The following TSPAN11 variants were observed in gnomAD, a reference collection of about 807,000 sequenced individuals.
TSPAN11 encodes tetraspanin-11.
Under a neutral mutation model 32.9 loss-of-function variants are expected in TSPAN11, and 29 were observed. The observed-to-expected ratio is 0.88, with a 90% CI of 0.66 to 1.20. The LOEUF is 1.20. Ranked by LOEUF, TSPAN11 falls within the 50% of genes most tolerant of loss-of-function variation. TSPAN11 has a pLI of 0.00. For missense variants in TSPAN11, 283 were observed against 329.1 expected, an observed-to-expected ratio of 0.86 and a Z score of 1.08; for synonymous variants, 140 against 141.3, an observed-to-expected ratio of 0.99 and a Z score of 0.07.
chr12:31,000,092 C>T (rs192273133), downstream of TSPAN11, among the ~76,000 whole-genome samples: 1 of 152,328 alleles, frequency 6.6e-6, no homozygotes, highest in African/African-American at 2.4e-5. Flanking sequence ...ATGGCTAAAT[C>T]CATAGCCTCT....
intron 3 of TSPAN11, 56 bp downstream of exon 3, chr12:30,964,073 G>T: frequency 1.3e-6 from 2 of 1,567,256 alleles, no homozygotes; most frequent in Non-Finnish European, 8.6e-7. Context: ...ACCCAGTCAG[G>T]TTTCCAGCAA....
chr12:30,981,265 C>G (rs555316188), intron 5 of TSPAN11, among the ~76,000 whole-genome samples: 9 of 152,196 alleles, frequency 5.9e-5, no homozygotes, highest in Non-Finnish European at 1.3e-4. Flanking sequence ...GGCCAGCACC[C>G]GGCCCTCCAG....
chr12:30,975,064 C>T lies in TSPAN11; in HGVS notation c.277-3497C>T, dbSNP rs774714084. 2.6e-5 allele frequency among the ~76,000 whole-genome samples: 4 copies of T among 152,216 alleles called. No individual in the cohort carries two copies. The highest frequency in any genetic ancestry group is 4.4e-5 in the Non-Finnish European group (3 of 68,038). ...GCAGGGCAAAGGCCCAAAGGCTGGA[C>T]GCTTGGCCTGTGTGAAGAGAACTGT... On this transcript the variant is annotated intron_variant, in intron 3 of 7. Transcript: ENST00000546076. This position sits in a 1 kb window ranked among gnomAD's most constrained non-coding sequence, Gnocchi z 4.5.
the TSPAN11 span, among the ~76,000 whole-genome samples, chr12:31,004,381 T>A: frequency 1.3e-5 from 2 of 152,086 alleles, no homozygotes; most frequent in Non-Finnish European, 2.9e-5. Context: ...TTTCTTCTCT[T>A]TGAGATCACA....
rs138500331 is a variant in TSPAN11, at chr12:30,949,233, T to G, written c.-11-4748T>G. On this transcript the variant is annotated intron_variant, in intron 1 of 7. Transcript: ENST00000546076. ...GAGCTCTCCAAACTGTTCCAACCTC[T>G]GCCTGTTACCCAGTTCCAAAGTTGC... is the stretch of plus-strand genomic sequence containing the variant. Among the ~76,000 whole-genome samples, 11 of 152,366 alleles carry G rather than the reference T, an allele frequency of 7.2e-5. No individual in the cohort carries two copies. The East Asian group carries it at 2.1e-3, about 29-fold the overall frequency.
At chr12:30,976,144 G>A (rs1229110015) in intron 3 of TSPAN11, among the ~76,000 whole-genome samples, 1 of 152,124 alleles carries the variant, frequency 6.6e-6, no homozygotes, top group Non-Finnish European at 1.5e-5. Context: ...CTCCCAGGGG[G>A]ATCACACTCT....
At chr12:30,991,807 TC>T in intron 7 of TSPAN11, 48 bp from the exon 8 acceptor site, 1 of 1,608,828 alleles carries the variant, frequency 6.2e-7, no homozygotes, top group Non-Finnish European at 8.5e-7. Context: ...GCCGGCAGCT[TC>T]CAGGAGTTCT....
Position 30,937,213 on chromosome 12 carries a change from G to T in TSPAN11, c.-12+10417G>T, listed in dbSNP as rs542839902. ...GAGGTCAGACAGTGGTGGGGTGCAG[G>T]ATGAATGGATGAAGAAGTGAAGCTT... On this transcript the variant is annotated intron_variant, in intron 1 of 7. Transcript: ENST00000546076. 2.0e-5 allele frequency among the ~76,000 whole-genome samples: 3 copies of T among 152,324 alleles called. No homozygotes were observed. In the South Asian group the frequency reaches 6.2e-4, roughly 32 times the overall value.
At chr12:30,979,771 C>G in intron 5 of TSPAN11, 101 bp downstream of exon 5, 1 of 1,129,148 alleles carries the variant, frequency 8.9e-7, no homozygotes, top group Non-Finnish European at 1.3e-6. Context: ...TACTTACCCT[C>G]TCTGAGCTTC....
intron 2 of TSPAN11, chr12:30,954,772 A>G (rs1336607616): frequency 1.3e-5 from 2 of 152,268 alleles, no homozygotes; most frequent in African/African-American, 4.8e-5. Context: ...TCTGCTGACT[A>G]CTAATGGTGG....
chr12:30,970,641 C>T (rs12581911), intron 3 of TSPAN11, among the ~76,000 whole-genome samples: 7,895 of 152,216 alleles, frequency 0.052, 626 homozygotes, highest in East Asian at 0.37. Context: ...CAGACATTGG[C>T]CAGAGCACAT....
chr12:31,006,472 C>T, the TSPAN11 span, among the ~76,000 whole-genome samples: 5 of 152,362 alleles, frequency 3.3e-5, no homozygotes, highest in Admixed American at 2.0e-4. Context: ...CTCCCATCCT[C>T]GCATTTGCTT....
chr12:30,977,593 C>G (rs568993681), intron 3 of TSPAN11, among the ~76,000 whole-genome samples: 43 of 152,304 alleles, frequency 2.8e-4, no homozygotes, highest in South Asian at 1.2e-3. Context: ...AGCTCCGTGG[C>G]TGCCTGTAGC....
At chr12:30,972,107 CT>C (rs1938863903) in intron 3 of TSPAN11, among the ~76,000 whole-genome samples, 1 of 152,182 alleles carries the variant, frequency 6.6e-6, no homozygotes, top group African/African-American at 2.4e-5. Context: ...CAGGAGCTTT[CT>C]TTGGAATTCT....
chr12:30,926,990 CGGGGCATGTGAGCAGGTATTGGT>C (rs1309779246), intron 1 of TSPAN11, 194 bp downstream of exon 1: 3 of 1,282,442 alleles, frequency 2.3e-6, no homozygotes, highest in Non-Finnish European at 3.0e-6. Context: ...GGGACACTCG[CGGGGCATGTGAGCAGGTATTGGT>C]GTCTGCATGG....
intron 3 of TSPAN11, among the ~76,000 whole-genome samples, chr12:30,972,984 ACT>A (rs1336303743): frequency 6.6e-6 from 1 of 151,526 alleles, no homozygotes; most frequent in Non-Finnish European, 1.5e-5. Context: ...CTCTCCTGAC[ACT>A]CTGTCCTTTG....
At chr12:30,998,754 C>A (rs1939449360), downstream of TSPAN11, among the ~76,000 whole-genome samples, 2 of 152,310 alleles carry the variant, frequency 1.3e-5, no homozygotes, top group Middle Eastern at 3.4e-3. Context: ...CATTAATGTT[C>A]CCGTGATGGG....
intron 7 of TSPAN11, among the ~76,000 whole-genome samples, chr12:30,989,662 A>G (rs1280259538): frequency 6.6e-6 from 1 of 152,142 alleles, no homozygotes; most frequent in Non-Finnish European, 1.5e-5. Context: ...AGCTTGCAAG[A>G]TGGTAACATG....
intron 2 of TSPAN11, among the ~76,000 whole-genome samples, chr12:30,955,508 G>T (rs761200096): frequency 1.3e-5 from 2 of 152,052 alleles, no homozygotes; most frequent in Non-Finnish European, 2.9e-5. Context: ...AAAAAGTATC[G>T]TAAAATAAAA....
Sources: allele counts gnomAD v4.1 joint callset (sites outside exome capture counted in the v4.1 genomes callset), GRCh38; gene constraint gnomAD v4.1.1; non-coding constraint Gnocchi (gnomAD v3.1); transcripts MANE v1.5; gene names NCBI Gene and HGNC (gene_info 2026-07-23, HGNC 2026-07-21).